Variants in SKI observed in about 807,000 individuals in gnomAD.
The protein encoded by SKI is ski oncogene.
A neutral mutation model predicts 59.3 loss-of-function variants in SKI; 23 were observed. The observed-to-expected ratio is 0.39, with a 90% CI of 0.28 to 0.55. SKI has a LOEUF of 0.55. SKI is among the 20% of genes least tolerant of loss of function. The pLI is 0.67. For synonymous variants in SKI, 673 were observed against 488.6 expected (o/e 1.38, Z -4.98); for missense variants, 1,017 against 1,038.9 (o/e 0.98, Z 0.29).
chr1:2,287,964 G>A (rs1004903753), intron 1 of SKI, among the ~76,000 whole-genome samples: 1 of 152,158 alleles, frequency 6.6e-6, no homozygotes, highest in South Asian at 2.1e-4. Flanking sequence ...GCTGTTTCTC[G>A]TCTGTCTTTT....
Position 2,269,430 on chromosome 1 carries a change from A to G in SKI, c.970-33548A>G, listed in dbSNP as rs942993210. On this transcript the variant is annotated intron_variant, in intron 1 of 6. Coordinates refer to ENST00000378536, the MANE Select transcript of SKI (RefSeq NM_003036.4). This position sits in a 1 kb window ranked among gnomAD's most constrained non-coding sequence, Gnocchi z 4.7. ...AGCGTCACTAGTAGGCCAAGCGGACACTGCGGGACACGTTCCCCAACGTGG... is the reference window on the plus strand; with the variant it reads ...AGCGTCACTAGTAGGCCAAGCGGACGCTGCGGGACACGTTCCCCAACGTGG... Among the ~76,000 whole-genome samples, 6 of 152,262 alleles carry G rather than the reference A, an allele frequency of 3.9e-5. No homozygotes were observed. Among genetic ancestry groups the G allele is most frequent in the Non-Finnish European group, 8.8e-5 (6 of 68,048 alleles).
chr1:2,243,480 C>G (rs1057264893), intron 1 of SKI, among the ~76,000 whole-genome samples: 1 of 152,236 alleles, frequency 6.6e-6, no homozygotes, highest in African/African-American at 2.4e-5. Flanking sequence ...GTGCCTGTCA[C>G]TCTGGCTGAC....
Position 2,229,511 on chromosome 1 carries a change from G to T in SKI, c.745G>T (p.Asp249Tyr). ...GAGCGCCGCCTGCATCCAGTGCCTG[G>T]ACTGCCGCCTCATGTACCCGCCGCA... ...SPSAACIQCL[D>Y]CRLMYPPHKF... Residue 249 changes from aspartate to tyrosine, a missense_variant, in exon 1 of 7, where the codon GAC becomes TAC. Physicochemically the swap from Asp to Tyr is radical, Grantham distance 160. Transcript: ENST00000378536. The surrounding 1 kb of genome is among the most constrained non-coding windows in gnomAD (Gnocchi z 6.3). 3 of 1,611,646 alleles carry T rather than the reference G, an allele frequency of 1.9e-6. No individual in the cohort carries two copies. The highest frequency in any genetic ancestry group is 2.5e-6 in the Non-Finnish European group (3 of 1,179,916).
rs555946709 is a variant in SKI at position 2,306,163 on chromosome 1, G to C, written c.1911G>C (p.Leu637=). 1.3e-6 allele frequency: 2 copies of C among 1,593,110 alleles called. No individual in the cohort carries two copies. The highest frequency in any genetic ancestry group is 2.3e-5 in the East Asian group (1 of 44,008). The change falls in exon 6 of 7, where the codon CTG becomes CTC. Residue 637 remains leucine, a synonymous_variant. Transcript: ENST00000378536. ...MKEANESRLR[L]KRELEQARQA... ...AGGCCAACGAGTCACGGCTGCGCCT[G>C]AAGCGGGAGCTGGAGCAGGCGCGGC...
At chr1:2,287,024 G>A (rs980910392) in intron 1 of SKI, among the ~76,000 whole-genome samples, 1 of 152,198 alleles carries the variant, frequency 6.6e-6, no homozygotes, top group Non-Finnish European at 1.5e-5. Flanking sequence ...GGATGGAAAA[G>A]TAACGAGTGG....
chr1:2,264,075 G>C (rs1264850081), intron 1 of SKI, among the ~76,000 whole-genome samples: 1 of 151,654 alleles, frequency 6.6e-6, no homozygotes, highest in African/African-American at 2.4e-5. Context: ...AGTGTTTTTT[G>C]TGGGAAGATT....
At chr1:2,282,413 AGAGGAT>A (rs1639909603) in intron 1 of SKI, among the ~76,000 whole-genome samples, 1 of 63,110 alleles carries the variant, frequency 1.6e-5, no homozygotes, top group African/African-American at 6.6e-5. Context: ...ATCTTCAGAG[AGAGGAT>A]GCCCGAGAAG....
In SKI at chr1:2,228,960, C is replaced by T. The variant is rs1334652938; in HGVS notation, c.194C>T (p.Pro65Leu). ...AGAAAVPAPV[P>L]AATEPPPVLH... ...GCGGCCGCGGTGCCGGCGCCGGTGC[C>T]CGCAGCCACCGAGCCGCCGCCCGTG... is the stretch of plus-strand genomic sequence containing the variant. Residue 65 changes from proline to leucine, a missense_variant, in exon 1 of 7, where the codon CCC becomes CTC. Pro to Leu is a moderately conservative substitution (Grantham distance 98). Transcript: ENST00000378536. The T allele has an allele frequency of 2.8e-6, 4 of 1,422,056 alleles. No individual in the cohort carries two copies. The highest frequency in any genetic ancestry group is 3.7e-6 in the Non-Finnish European group (4 of 1,091,252). The allele number at this position is 1,422,056 out of a possible 1,614,324, so 88.1% of individuals were successfully genotyped here. A position where few individuals can be genotyped will look rare whatever the true frequency, so the allele number is the denominator to read the frequency against.
rs964817956 is a variant in SKI at position 2,304,303 on chromosome 1, C to T, written c.1485C>T (p.Ser495=). The stretch of plus-strand genomic sequence containing the variant: ...CTGCTTCCTCCTCAGTCACCTCCTC[C>T]TTGTCCTCGCTCTCTTCCCCGTCCT... The part of the protein sequence containing the change: ...EVESREEFTS[S]LSSLSSPSFT... The change falls in exon 5 of 7, where the codon TCC becomes TCT. Residue 495 remains serine, a synonymous_variant. Transcript: ENST00000378536. 107 of 1,551,584 alleles carry T rather than the reference C, an allele frequency of 6.9e-5. No individual in the cohort carries two copies. The highest frequency in any genetic ancestry group is 8.5e-5 in the Non-Finnish European group (98 of 1,146,928).
intron 1 of SKI, among the ~76,000 whole-genome samples, chr1:2,237,566 C>T (rs1226523811): frequency 6.6e-6 from 1 of 152,248 alleles, no homozygotes; most frequent in East Asian, 1.9e-4. Flanking sequence ...CTGCTGGGAA[C>T]CCCTGGTCCA....
At chr1:2,266,700 T>C (rs1355441722) in intron 1 of SKI, among the ~76,000 whole-genome samples, 1 of 152,164 alleles carries the variant, frequency 6.6e-6, no homozygotes, top group African/African-American at 2.4e-5. Context: ...TCGCAGTCCA[T>C]GAGTGACCTC....
intron 1 of SKI, among the ~76,000 whole-genome samples, chr1:2,256,515 T>C (rs1639278315): frequency 6.6e-6 from 1 of 152,236 alleles, no homozygotes; most frequent in Non-Finnish European, 1.5e-5. Context: ...TGGGTATTTC[T>C]GTGCTCTTCC....
Position 2,268,711 on chromosome 1 carries a change from C to T in SKI, c.970-34267C>T, listed in dbSNP as rs1013762643. ...CTGGCCTGTGAGGGCTGCAGAGCAG[C>T]GTGCCCAGGGGCTGTAGGTGCAGTC... On this transcript the variant is annotated intron_variant, in intron 1 of 6. Coordinates refer to ENST00000378536, the MANE Select transcript of SKI (RefSeq NM_003036.4). The surrounding 1 kb of genome is among the most constrained non-coding windows in gnomAD (Gnocchi z 5.0). 1.3e-5 allele frequency among the ~76,000 whole-genome samples: 2 copies of T among 152,154 alleles called. No individual in the cohort carries two copies.
intron 1 of SKI, among the ~76,000 whole-genome samples, chr1:2,291,224 A>G (rs533353924): frequency 2.1e-4 from 32 of 152,380 alleles, no homozygotes; most frequent in African/African-American, 7.2e-4. Flanking sequence ...GGAGGAAAAG[A>G]ACGATACATT....
chr1:2,302,151 C>G (rs1352527380), intron 1 of SKI, among the ~76,000 whole-genome samples: 4 of 152,188 alleles, frequency 2.6e-5, no homozygotes, highest in Non-Finnish European at 5.9e-5. Context: ...GGATGTGCCT[C>G]AGCACCTGAC....
chr1:2,278,554 C>T (rs956219922), intron 1 of SKI, among the ~76,000 whole-genome samples: 6 of 152,178 alleles, frequency 3.9e-5, no homozygotes, highest in African/African-American at 1.2e-4. Context: ...CTGCCCATTG[C>T]TAAAGGTAGA....
At chr1:2,255,393 A>T (rs965201533) in intron 1 of SKI, among the ~76,000 whole-genome samples, 1 of 152,136 alleles carries the variant, frequency 6.6e-6, no homozygotes, top group Non-Finnish European at 1.5e-5. Flanking sequence ...GTGTCTTCTG[A>T]CCCCATTTCT....
rs113848316 is a variant in SKI at position 2,279,649 on chromosome 1, G to C, written c.970-23329G>C. Among the ~76,000 whole-genome samples, 921 of 152,268 alleles carry C rather than the reference G, an allele frequency of 6.0e-3. 8 individuals carry two copies. The highest frequency in any genetic ancestry group is 0.021 in the African/African-American group (864 of 41,558). On this transcript the variant is annotated intron_variant, in intron 1 of 6. Coordinates refer to ENST00000378536, the MANE Select transcript of SKI (RefSeq NM_003036.4). ...AGGGGGGAGTCGGCTTGGGGGGAGA[G>C]TGTTCTCCTGCCCACCCAGGCACTG...
At chr1:2,234,124 C>T (rs1638701763) in intron 1 of SKI, among the ~76,000 whole-genome samples, 1 of 152,222 alleles carries the variant, frequency 6.6e-6, no homozygotes. Flanking sequence ...CTGGTCTGCC[C>T]CCCAGGTGAG....
Sources: allele counts gnomAD v4.1 joint callset (sites outside exome capture counted in the v4.1 genomes callset), GRCh38; gene constraint gnomAD v4.1.1; non-coding constraint Gnocchi (gnomAD v3.1); transcripts MANE v1.5; gene names NCBI Gene and HGNC (gene_info 2026-07-23, HGNC 2026-07-21).